Variants in AAK1 observed in about 807,000 individuals in gnomAD.
AAK1 encodes AP2-associated protein kinase 1.
AAK1 carries 37 observed loss-of-function variants against 116.0 expected under a neutral mutation model. The ratio of observed to expected loss-of-function variants is 0.32; its 90% CI spans 0.25 to 0.42. The LOEUF is 0.42. Among genes scored for constraint, AAK1 ranks in the 10% least tolerant of loss-of-function variants. The probability of loss-of-function intolerance (pLI) is 1.00; values close to 1 mark genes in which losing one functional copy is unlikely to be tolerated. For missense variants in AAK1, 919 were observed against 1,170.6 expected (o/e 0.79, Z 3.14); for synonymous variants, 458 against 439.9 (o/e 1.04, Z -0.51).
At chr2:69,549,665 C>G (rs1671093818) in intron 3 of AAK1, among the ~76,000 whole-genome samples, 1 of 152,172 alleles carries the variant, frequency 6.6e-6, no homozygotes, top group Non-Finnish European at 1.5e-5. Context: ...TCTTTTGGCA[C>G]CCACATCATA....
chr2:69,643,022 A>G lies in AAK1; in HGVS notation c.19T>C (p.Ser7Pro). Residue 7 changes from serine to proline, a missense_variant, in exon 2 of 22, where the codon TCC becomes CCC. Coordinates refer to ENST00000409085, the MANE Select transcript of AAK1 (RefSeq NM_014911.5). Reference protein sequence around the residue: MKKFFDSRREQGGSGLG... With the variant: MKKFFDPRREQGGSGLG... ...CCAGAGCCGCCCTGCTCTCGCCGGGAGTCGAAAAACTTCTTCATCTTGCGA... is the reference window on the plus strand; with the variant it reads ...CCAGAGCCGCCCTGCTCTCGCCGGGGGTCGAAAAACTTCTTCATCTTGCGA... 2 of 1,605,356 alleles carry G rather than the reference A, an allele frequency of 1.2e-6. No individual in the cohort carries two copies. Among genetic ancestry groups the G allele is most frequent in the Non-Finnish European group, 8.5e-7 (1 of 1,176,608 alleles).
chr2:69,538,706 AC>A (rs1670581634), intron 5 of AAK1, among the ~76,000 whole-genome samples: 1 of 152,078 alleles, frequency 6.6e-6, no homozygotes, highest in Admixed American at 6.5e-5. Context: ...ACATGGTGAA[AC>A]CCCGTCTCTA....
Position 69,594,252 on chromosome 2 carries a change from A to G in AAK1, c.164-37274T>C, listed in dbSNP as rs200551590. 3.3e-5 allele frequency among the ~76,000 whole-genome samples: 5 copies of G among 152,346 alleles called. No individual in the cohort carries two copies. The East Asian group carries it at 9.6e-4, about 29-fold the overall frequency. On this transcript the variant is annotated intron_variant, in intron 2 of 21. Transcript: ENST00000409085. ...ATATATCCAAAGACATTCAAAAATA[A>G]GACATATGCCCATGGACATCTGGCA...
chr2:69,595,059 G>A, intron 2 of AAK1: 1 of 727,154 alleles, frequency 1.4e-6, no homozygotes, highest in Non-Finnish European at 2.5e-6. Flanking sequence ...CGTTCACCAT[G>A]TTTGCGTGAG....
At chr2:69,564,226 G>A (rs1212534398) in intron 2 of AAK1, among the ~76,000 whole-genome samples, 1 of 151,828 alleles carries the variant, frequency 6.6e-6, no homozygotes, top group African/African-American at 2.4e-5. Context: ...GAAAAGAAAA[G>A]AAATTAAGAC....
At chr2:69,507,029 C>T (rs1379284195) in intron 15 of AAK1, among the ~76,000 whole-genome samples, 2 of 152,150 alleles carry the variant, frequency 1.3e-5, no homozygotes, top group East Asian at 3.9e-4. Context: ...TGTGAAGGCA[C>T]ATTCATGGAC....
In AAK1 at chr2:69,614,339, A is replaced by G. The variant is rs528508612; in HGVS notation, c.163+28539T>C. Reference sequence around the variant, plus strand: ...TGAAGGAAGGCAGACATGGAGTCACACAGGGACAGGTGTAACAGCTGGAAG... The same window carrying G: ...TGAAGGAAGGCAGACATGGAGTCACGCAGGGACAGGTGTAACAGCTGGAAG... On this transcript the variant is annotated intron_variant, in intron 2 of 21. Transcript: ENST00000409085. 1.1e-4 allele frequency among the ~76,000 whole-genome samples: 17 copies of G among 152,308 alleles called. No individual in the cohort carries two copies. The East Asian group carries it at 3.1e-3, about 28-fold the overall frequency.
intron 13 of AAK1, among the ~76,000 whole-genome samples, chr2:69,510,473 A>C (rs1676352762): frequency 6.6e-6 from 1 of 152,136 alleles, no homozygotes; most frequent in South Asian, 2.1e-4. Context: ...GGTTGATCCC[A>C]TGTCTTTGCT....
chr2:69,500,698 T>TATACACACAC lies in AAK1; in HGVS notation c.2270-4619_2270-4618insGTGTGTGTAT. On this transcript the variant is annotated intron_variant, in intron 16 of 21. Coordinates refer to ENST00000409085, the MANE Select transcript of AAK1 (RefSeq NM_014911.5). ...ATATATATATATATATATATATATA[T>TATACACACAC]ACACACACACACACACACACACACA... 7.2e-4 allele frequency among the ~76,000 whole-genome samples: 47 copies of TATACACACAC among 65,096 alleles called. 1 individual carries two copies. The highest frequency in any genetic ancestry group is 1.7e-3 in the African/African-American group (21 of 12,660). 42.7% of individuals were successfully genotyped at this position (65,096 alleles called of 152,430 possible).
chr2:69,509,371 G>A lies in AAK1; in HGVS notation c.1866C>T (p.Pro622=). The A allele has an allele frequency of 6.2e-7, 1 of 1,614,022 alleles. No individual in the cohort carries two copies. Among genetic ancestry groups the A allele is most frequent in the Non-Finnish European group, 8.5e-7 (1 of 1,179,900 alleles). Residue 622 remains proline, a synonymous_variant, in exon 14 of 22, where the codon CCC becomes CCT. Coordinates refer to ENST00000409085, the MANE Select transcript of AAK1 (RefSeq NM_014911.5). ...CAGCACGTTGGGTTTTGGGGGATGA[G>A]GGTGGAGTGAGAGATCCAACTTTCT... ...QGQKVGSLTP[P]SSPKTQRAGH... is the part of the protein sequence containing the mutation.
At chr2:69,555,005 T>G (rs1203891069) in intron 3 of AAK1, among the ~76,000 whole-genome samples, 1 of 152,000 alleles carries the variant, frequency 6.6e-6, no homozygotes, top group Non-Finnish European at 1.5e-5. Flanking sequence ...TGTTTTTAAA[T>G]AAGGAGGAGA....
chr2:69,621,684 A>G lies in AAK1; in HGVS notation c.163+21194T>C, dbSNP rs530916583. ...CTAAAACACAACCCAAGCACACTGC[A>G]AACTGATCATGGCCAACTACGAACA... On this transcript the variant is annotated intron_variant, in intron 2 of 21. Coordinates refer to ENST00000409085, the MANE Select transcript of AAK1 (RefSeq NM_014911.5). 3.3e-5 allele frequency among the ~76,000 whole-genome samples: 5 copies of G among 152,326 alleles called. No individual in the cohort carries two copies. In the South Asian group the frequency reaches 1.0e-3, roughly 32 times the overall value.
In AAK1 at chr2:69,464,524, A is replaced by C. The variant is rs1035559199; in HGVS notation, c.*11345T>G. On this transcript the variant is annotated 3_prime_UTR_variant, in exon 22 of 22. Coordinates refer to ENST00000409085, the MANE Select transcript of AAK1 (RefSeq NM_014911.5). ...CTACTTTGCCATGAGAAAAAAACTAAATAAATAAAATGGGGTTCAAGTCAG... is the reference window on the plus strand; with the variant it reads ...CTACTTTGCCATGAGAAAAAAACTACATAAATAAAATGGGGTTCAAGTCAG... The C allele has an allele frequency of 6.6e-6, 1 of 152,622 alleles. No homozygotes were observed. Among genetic ancestry groups the C allele is most frequent in the Admixed American group, 6.5e-5 (1 of 15,286 alleles). 9.5% of individuals were successfully genotyped at this position (152,622 alleles called of 1,614,324 possible). A position where few individuals can be genotyped will look rare whatever the true frequency, so the allele number is the denominator to read the frequency against.
intron 3 of AAK1, among the ~76,000 whole-genome samples, chr2:69,554,773 G>C (rs1321058660): frequency 6.6e-6 from 1 of 152,234 alleles, no homozygotes; most frequent in Non-Finnish European, 1.5e-5. Context: ...GGAATTGCTT[G>C]ACGTTTTTTG....
intron 17 of AAK1, among the ~76,000 whole-genome samples, chr2:69,490,355 C>T (rs1675473676): frequency 6.6e-6 from 1 of 152,090 alleles, no homozygotes; most frequent in East Asian, 1.9e-4. Context: ...GAAATTTGTG[C>T]ACTCAATGTT....
chr2:69,627,148 G>T (rs532221335), intron 2 of AAK1, among the ~76,000 whole-genome samples: 24 of 152,150 alleles, frequency 1.6e-4, no homozygotes, highest in African/African-American at 5.5e-4. Flanking sequence ...AATTAGCTAG[G>T]CGTGGTGGCG....
chr2:69,574,164 G>A (rs542709046), intron 2 of AAK1, among the ~76,000 whole-genome samples: 5 of 151,592 alleles, frequency 3.3e-5, no homozygotes, highest in Non-Finnish European at 7.4e-5. Flanking sequence ...GTCAGGAGTA[G>A]GAGTTGGAGA....
intron 2 of AAK1, among the ~76,000 whole-genome samples, chr2:69,612,534 A>T (rs1674132873): frequency 1.3e-5 from 2 of 152,250 alleles, no homozygotes; most frequent in Admixed American, 1.3e-4. Flanking sequence ...TCACCAGAAA[A>T]CGACAACAGT....
intron 2 of AAK1, among the ~76,000 whole-genome samples, chr2:69,632,636 C>T (rs145024913): frequency 2.2e-4 from 34 of 152,338 alleles, no homozygotes; most frequent in Non-Finnish European, 4.3e-4. Flanking sequence ...CGATGGCTCA[C>T]GCCTGTAATC....
Sources: allele counts gnomAD v4.1 joint callset (sites outside exome capture counted in the v4.1 genomes callset), GRCh38; gene constraint gnomAD v4.1.1; transcripts MANE v1.5; gene names NCBI Gene and HGNC (gene_info 2026-07-23, HGNC 2026-07-21).